The following ERBB4 variants were observed in gnomAD, a reference collection of about 807,000 sequenced individuals.
The protein encoded by ERBB4 is erb-b2 receptor tyrosine kinase 4.
ERBB4 carries 42 observed loss-of-function variants against 158.0 expected under a neutral mutation model. That is an observed-to-expected ratio of 0.27 (90% CI 0.21 to 0.34). The LOEUF (loss-of-function observed/expected upper bound fraction) is 0.34, where lower values mean the gene tolerates loss of function less well. Ranked by LOEUF, ERBB4 falls within the 10% of genes least tolerant of loss-of-function variation. The pLI is 1.00. For synonymous variants in ERBB4, 583 were observed against 558.7 expected, an observed-to-expected ratio of 1.04 and a Z score of -0.61; for missense variants, 1,333 against 1,624.1, an observed-to-expected ratio of 0.82 and a Z score of 3.08.
intron 16 of ERBB4, among the ~76,000 whole-genome samples, chr2:211,645,797 T>C (rs1249689226): frequency 1.3e-5 from 2 of 151,744 alleles, no homozygotes; most frequent in African/African-American, 4.8e-5. Flanking sequence ...ACATTGTAAC[T>C]TCTGTAATAT....
intron 3 of ERBB4, among the ~76,000 whole-genome samples, chr2:211,834,657 G>A (rs549213469): frequency 6.6e-6 from 1 of 152,146 alleles, no homozygotes; most frequent in South Asian, 2.1e-4. Context: ...TATCGAATTT[G>A]ATGTCATCAA....
At chr2:211,483,882 A>C (rs1163470594) in intron 20 of ERBB4, among the ~76,000 whole-genome samples, 1 of 152,136 alleles carries the variant, frequency 6.6e-6, no homozygotes, top group Non-Finnish European at 1.5e-5. Context: ...GTTGAGAATA[A>C]TACAAGTAAG....
At chr2:211,504,973 T>C (rs1041395287) in intron 20 of ERBB4, among the ~76,000 whole-genome samples, 3 of 152,038 alleles carry the variant, frequency 2.0e-5, no homozygotes, top group African/African-American at 7.2e-5. Flanking sequence ...AACTGAAGAC[T>C]TAAAAACATT....
intron 2 of ERBB4, among the ~76,000 whole-genome samples, chr2:211,953,749 A>G (rs1415991196): frequency 6.6e-6 from 1 of 152,088 alleles, no homozygotes; most frequent in Non-Finnish European, 1.5e-5. Flanking sequence ...AAACTCTTCT[A>G]GCCCAAGGGA....
At chr2:211,942,644 A>C (rs995458216) in intron 3 of ERBB4, among the ~76,000 whole-genome samples, 6 of 152,252 alleles carry the variant, frequency 3.9e-5, no homozygotes, top group African/African-American at 1.4e-4. Context: ...TCCATACCTC[A>C]GATAATAATC....
At chr2:211,858,909 G>A (rs1043121366) in intron 3 of ERBB4, among the ~76,000 whole-genome samples, 3 of 152,072 alleles carry the variant, frequency 2.0e-5, no homozygotes, top group Non-Finnish European at 4.4e-5. Context: ...AGCCTCCCGA[G>A]TAGCTGGGAT....
At chr2:212,242,522 C>G (rs1010765029) in intron 1 of ERBB4, among the ~76,000 whole-genome samples, 1 of 152,054 alleles carries the variant, frequency 6.6e-6, no homozygotes, top group Non-Finnish European at 1.5e-5. Context: ...TAAACTTGAT[C>G]TTATTGGTAG....
chr2:212,165,208 T>G (rs957046015), intron 1 of ERBB4, among the ~76,000 whole-genome samples: 12 of 152,052 alleles, frequency 7.9e-5, no homozygotes, highest in African/African-American at 2.9e-4. Flanking sequence ...GTTCAATGAG[T>G]CATGCAAGTT....
At chr2:212,086,262 C>T (rs2125480708) in intron 2 of ERBB4, among the ~76,000 whole-genome samples, 1 of 151,284 alleles carries the variant, frequency 6.6e-6, no homozygotes, top group Middle Eastern at 3.4e-3. Context: ...GTGAAGTCCA[C>T]TAATAGCAGG....
In ERBB4 at chr2:211,810,092, A is replaced by G. The variant is rs187805925; in HGVS notation, c.422-21933T>C. On this transcript the variant is annotated intron_variant, in intron 3 of 27. Transcript: ENST00000342788. The stretch of plus-strand genomic sequence containing the variant: ...ATTTCTGTTCTTTTACATTTGCTGA[A>G]GAGTGCTTTACTTCCAACTATGTGG... Among the ~76,000 whole-genome samples, 159 of 152,206 alleles carry G rather than the reference A, an allele frequency of 1.0e-3. 1 individual carries two copies. Among genetic ancestry groups the G allele is most frequent in the South Asian group, 4.1e-3 (20 of 4,828 alleles).
intron 3 of ERBB4, among the ~76,000 whole-genome samples, chr2:211,860,360 A>C (rs188451612): frequency 7.0e-4 from 106 of 152,302 alleles, no homozygotes; most frequent in African/African-American, 2.4e-3. Context: ...CTAACTCTTA[A>C]ATTGCTGCTT....
intron 1 of ERBB4, among the ~76,000 whole-genome samples, chr2:212,138,563 CT>C (rs2080346183): frequency 6.6e-6 from 1 of 152,116 alleles, no homozygotes; most frequent in Non-Finnish European, 1.5e-5. Context: ...CATTCTTGAA[CT>C]TTCTAGCCTC....
At position 212,538,497 on chromosome 2, in the gene ERBB4, T is replaced by A. The variant is rs749688150; in HGVS notation, c.34A>T (p.Ser12Cys). The change falls in exon 1 of 28, where the codon AGC (serine) becomes TGC (cysteine). Residue 12 changes from serine to cysteine, a missense_variant. By Grantham distance (112) the Ser-to-Cys change is moderately radical. This residue lies in a region of ERBB4 where 438 missense variants were observed against 586.9 expected (regional missense o/e 0.75). Coordinates refer to ENST00000342788, the MANE Select transcript of ERBB4 (RefSeq NM_005235.3). ...ACGGTCCCCGCCGCCACGAGAAGGC[T>A]CACCCAGACCCAAAGTCCTGTCGCC... ...KPATGLWVWV[S>C]LLVAAGTVQP... The A allele has an allele frequency of 2.5e-6, 4 of 1,613,926 alleles. No individual in the cohort carries two copies. Among genetic ancestry groups the A allele is most frequent in the Non-Finnish European group, 3.4e-6 (4 of 1,179,960 alleles).
rs2106110792 is a variant in ERBB4 at position 211,719,023 on chromosome 2, AG to A, written c.883+3369del. 2.0e-5 allele frequency among the ~76,000 whole-genome samples: 3 copies of A among 152,330 alleles called. No individual in the cohort carries two copies. The South Asian group carries it at 6.2e-4, about 32-fold the overall frequency. ...GATGGCTTTTTAAAATGTTTCCTCC[AG>A]GGTCATTTGCCCATTAACAGTGAAT... On this transcript the variant is annotated intron_variant, in intron 7 of 27. Coordinates refer to ENST00000342788, the MANE Select transcript of ERBB4 (RefSeq NM_005235.3).
intron 2 of ERBB4, among the ~76,000 whole-genome samples, chr2:211,969,138 G>A (rs1192377487): frequency 1.3e-5 from 2 of 151,912 alleles, no homozygotes; most frequent in Non-Finnish European, 2.9e-5. Flanking sequence ...AAATAAACAT[G>A]AGCATTTTTA....
At chr2:212,003,178 AAAG>A (rs760172721) in intron 2 of ERBB4, among the ~76,000 whole-genome samples, 1,695 of 50,430 alleles carry the variant, frequency 0.034, 50 homozygotes, top group South Asian at 0.05. Flanking sequence ...AGAAAGAAAG[AAAG>A]AAAGAAAGAA....
chr2:211,993,202 G>A (rs895534093), intron 2 of ERBB4, among the ~76,000 whole-genome samples: 4 of 152,128 alleles, frequency 2.6e-5, no homozygotes, highest in Admixed American at 1.3e-4. Context: ...AGGTAATTAC[G>A]GTTAAATGAA....
chr2:212,421,453 T>C (rs2105906033), intron 1 of ERBB4, among the ~76,000 whole-genome samples: 1 of 152,288 alleles, frequency 6.6e-6, no homozygotes, highest in Non-Finnish European at 1.5e-5. Flanking sequence ...ACACTTTTCT[T>C]ATGTCATCTA....
At chr2:212,185,862 G>A (rs557390656) in intron 1 of ERBB4, among the ~76,000 whole-genome samples, 1 of 152,186 alleles carries the variant, frequency 6.6e-6, no homozygotes, top group African/African-American at 2.4e-5. Flanking sequence ...TGCACATAAA[G>A]TACATATTTC....
Sources: allele counts gnomAD v4.1 joint callset (sites outside exome capture counted in the v4.1 genomes callset), GRCh38; gene constraint gnomAD v4.1.1; regional missense constraint gnomAD v4.1.1; transcripts MANE v1.5; gene names NCBI Gene and HGNC (gene_info 2026-07-23, HGNC 2026-07-21).